HDX: variants seen among roughly 807,000 people sequenced by gnomAD.
HDX encodes the protein highly divergent homeobox.
Under a neutral mutation model 45.2 loss-of-function variants are expected in HDX, and 19 were observed. The ratio of observed to expected loss-of-function variants is 0.42; its 90% CI spans 0.29 to 0.62. The LOEUF is 0.62. HDX is among the 20% of genes least tolerant of loss of function. The pLI, the probability that HDX is intolerant of heterozygous loss-of-function variation, is 0.20. For missense variants in HDX, 532 were observed against 493.9 expected (o/e 1.08, Z -0.73); for synonymous variants, 188 against 172.8 (o/e 1.09, Z -0.69).
At chrX:84,361,222 A>G (rs984223557) in intron 6 of HDX, among the ~76,000 whole-genome samples, 5 of 111,677 alleles carry the variant, frequency 4.5e-5, no homozygotes, top group Non-Finnish European at 7.5e-5. Context: ...ACAAATATCT[A>G]TTCATTTCCT....
chrX:84,368,428 T>A (rs2037813436), intron 5 of HDX, among the ~76,000 whole-genome samples: 1 of 111,685 alleles, frequency 9.0e-6, no homozygotes, highest in Non-Finnish European at 1.9e-5. Flanking sequence ...GCTCCATATA[T>A]TGTTTCATTC....
At chrX:84,380,331 A>T (rs1454568729) in intron 5 of HDX, among the ~76,000 whole-genome samples, 2 of 110,615 alleles carry the variant, frequency 1.8e-5, no homozygotes, top group Non-Finnish European at 3.8e-5. Context: ...AACTATTCCA[A>T]TAAATAGAGG....
chrX:84,465,785 G>A lies in HDX; in HGVS notation c.1251+2687C>T, dbSNP rs762681621. 1.1e-4 allele frequency among the ~76,000 whole-genome samples: 12 copies of A among 111,338 alleles called. No homozygotes were observed. The South Asian group carries it at 1.5e-3, about 14-fold the overall frequency. On this transcript the variant is annotated intron_variant, in intron 4 of 10. Transcript: ENST00000373177. ...GTATACCTATGTAACAAACCTGCAC[G>A]TTCTGCACATGTACCCCAGAACTTA...
rs58193491 is a variant in HDX, at chrX:84,392,818, ATT to A, written c.1306-31208_1306-31207del. 7.8e-3 allele frequency among the ~76,000 whole-genome samples: 786 copies of A among 100,871 alleles called. 7 individuals are homozygous for A. Among genetic ancestry groups the A allele is most frequent in the African/African-American group, 0.026 (714 of 27,796 alleles). 87.6% of individuals were successfully genotyped at this position (100,871 alleles called of 115,157 possible). ...TGTATCTATGGATTTTTATATACTG[ATT>A]TTTTTTTTTGTCTACTGATTTTGTG... On this transcript the variant is annotated intron_variant, in intron 5 of 10. Coordinates refer to ENST00000373177, the MANE Select transcript of HDX (RefSeq NM_001177479.2).
At chrX:84,412,256 A>G (rs771178932) in intron 5 of HDX, among the ~76,000 whole-genome samples, 8 of 111,311 alleles carry the variant, frequency 7.2e-5, no homozygotes, top group Non-Finnish European at 1.3e-4. Flanking sequence ...TACAGTGTCA[A>G]TGGTCTATGT....
intron 9 of HDX, among the ~76,000 whole-genome samples, chrX:84,332,493 G>T (rs1217498587): frequency 9.0e-6 from 1 of 111,034 alleles, no homozygotes; most frequent in Admixed American, 9.6e-5. Context: ...TTTTCAAGGA[G>T]ACTGCCACCC....
rs1261174143 is a variant in HDX at position 84,318,176 on chromosome X, C to T, written c.*3713G>A. 9.1e-6 allele frequency: 1 copy of T among 110,478 alleles called. No individual in the cohort carries two copies. The highest frequency in any genetic ancestry group is 3.3e-5 in the African/African-American group (1 of 30,523). 9.1% of individuals were successfully genotyped at this position (110,478 alleles called of 1,213,427 possible). A position where few individuals can be genotyped will look rare whatever the true frequency, so the allele number is the denominator to read the frequency against. On this transcript the variant is annotated 3_prime_UTR_variant, in exon 11 of 11. Transcript: ENST00000373177. ...TCTGTTCTTAATCAAAGTTTGTTTTCAGCAATGGTGTGTTGACTGTAGGTT... is the reference window on the plus strand; with the variant it reads ...TCTGTTCTTAATCAAAGTTTGTTTTTAGCAATGGTGTGTTGACTGTAGGTT...
intron 5 of HDX, among the ~76,000 whole-genome samples, chrX:84,434,637 G>T (rs780551852): frequency 6.4e-5 from 7 of 109,911 alleles, no homozygotes; most frequent in Non-Finnish European, 1.1e-4. Context: ...TTTCTTTTTC[G>T]GTTGTATCAT....
rs1478744141 is a variant in HDX, at chrX:84,418,444, T to C, written c.1305+22088A>G. Reference sequence around the variant, plus strand: ...ACAGAAATTCTGAAACTGTGGTATGTATTAGGGGGGTACAAAAGTAACTGT... The same window carrying C: ...ACAGAAATTCTGAAACTGTGGTATGCATTAGGGGGGTACAAAAGTAACTGT... On this transcript the variant is annotated intron_variant, in intron 5 of 10. Transcript: ENST00000373177. Among the ~76,000 whole-genome samples, 6 of 111,373 alleles carry C rather than the reference T, an allele frequency of 5.4e-5. No individual in the cohort carries two copies. The Admixed American group carries it at 5.7e-4, about 11-fold the overall frequency.
chrX:84,426,442 A>G (rs1429310065), intron 5 of HDX, among the ~76,000 whole-genome samples: 1 of 111,308 alleles, frequency 9.0e-6, no homozygotes, highest in African/African-American at 3.3e-5. Flanking sequence ...AAATTAAGGT[A>G]TATATAATGA....
At position 84,354,966 on chromosome X, in the gene HDX, T is replaced by G. The variant is rs865815965; in HGVS notation, c.1452+6500A>C. On this transcript the variant is annotated intron_variant, in intron 6 of 10. Coordinates refer to ENST00000373177, the MANE Select transcript of HDX (RefSeq NM_001177479.2). ...ATATATATATATATATATATATATA[T>G]ATATATACACATACATACACACACG... Among the ~76,000 whole-genome samples, 320 of 62,836 alleles carry G rather than the reference T, an allele frequency of 5.1e-3. 3 individuals are homozygous for G. The highest frequency in any genetic ancestry group is 0.017 in the African/African-American group (297 of 17,549). The allele number at this position is 62,836 out of a possible 115,157, so 54.6% of individuals were successfully genotyped here.
chrX:84,491,379 A>G (rs2040890261), intron 1 of HDX, among the ~76,000 whole-genome samples: 1 of 111,890 alleles, frequency 8.9e-6, no homozygotes, highest in African/African-American at 3.2e-5. Flanking sequence ...ATTTCAATCA[A>G]TGTGGATCTT....
intron 2 of HDX, among the ~76,000 whole-genome samples, chrX:84,479,127 T>C (rs1281342893): frequency 9.0e-6 from 1 of 111,625 alleles, no homozygotes. Context: ...ATGTACAGTT[T>C]TATGAGTTAA....
chrX:84,370,365 G>A (rs1193821508), intron 5 of HDX, among the ~76,000 whole-genome samples: 5 of 111,804 alleles, frequency 4.5e-5, no homozygotes, highest in East Asian at 2.8e-4. Context: ...TCACAATAGT[G>A]GGAGACAATT....
chrX:84,332,238 A>G (rs1459740248), intron 9 of HDX, among the ~76,000 whole-genome samples: 6 of 111,477 alleles, frequency 5.4e-5, no homozygotes, highest in South Asian at 3.7e-4. Flanking sequence ...TATTTTCTAT[A>G]TAAGTGCTGA....
chrX:84,443,143 G>A (rs1241786381), intron 4 of HDX, among the ~76,000 whole-genome samples: 13 of 111,408 alleles, frequency 1.2e-4, no homozygotes, highest in Admixed American at 5.7e-4. Flanking sequence ...AATCTCTCAC[G>A]TTTACTTCAA....
chrX:84,357,233 C>T (rs181356904), intron 6 of HDX, among the ~76,000 whole-genome samples: 90 of 111,234 alleles, frequency 8.1e-4, no homozygotes, highest in Admixed American at 9.6e-4. Flanking sequence ...TCAGTTGGAG[C>T]AGATCAGAAA....
chrX:84,483,217 C>T lies in HDX; in HGVS notation c.-1+4807G>A, dbSNP rs183502055. On this transcript the variant is annotated intron_variant, in intron 2 of 10. Coordinates refer to ENST00000373177, the MANE Select transcript of HDX (RefSeq NM_001177479.2). Reference sequence around the variant, plus strand: ...TCATTCTGGTGTTGAGGACAGTGGCCCTCTTCTCACAGCTCCACTATCTGT... The same window carrying T: ...TCATTCTGGTGTTGAGGACAGTGGCTCTCTTCTCACAGCTCCACTATCTGT... Among the ~76,000 whole-genome samples, 563 of 111,441 alleles carry T rather than the reference C, an allele frequency of 5.1e-3. 15 individuals carry two copies. The highest frequency in any genetic ancestry group is 0.048 in the Admixed American group (510 of 10,525).
chrX:84,392,664 T>C (rs1375648525), intron 5 of HDX, among the ~76,000 whole-genome samples: 6 of 111,000 alleles, frequency 5.4e-5, no homozygotes, highest in Admixed American at 9.6e-5. Flanking sequence ...GGTATTTTAC[T>C]TTTTTAGCTA....
Sources: allele counts gnomAD v4.1 joint callset (sites outside exome capture counted in the v4.1 genomes callset), GRCh38; gene constraint gnomAD v4.1.1; transcripts MANE v1.5; gene names NCBI Gene and HGNC (gene_info 2026-07-23, HGNC 2026-07-21).